Variants in CRTAM observed in about 807,000 individuals in gnomAD.
The protein encoded by CRTAM is cytotoxic and regulatory T-cell molecule.
Under a neutral mutation model 50.0 loss-of-function variants are expected in CRTAM, and 44 were observed. The ratio of observed to expected loss-of-function variants is 0.88; its 90% CI spans 0.69 to 1.13. The LOEUF is 1.13. Among genes scored for constraint, CRTAM ranks in the 50% most tolerant of loss-of-function variants. The pLI is 0.00. For synonymous variants in CRTAM, 159 were observed against 169.3 expected (o/e 0.94, Z 0.47); for missense variants, 448 against 457.5 (o/e 0.98, Z 0.19).
chr11:122,850,037 C>T (rs960081727), intron 1 of CRTAM, 31 bp from the exon 2 acceptor site: 1 of 1,562,746 alleles, frequency 6.4e-7, no homozygotes, highest in Admixed American at 1.8e-5. Context: ...GGACCCCCGG[C>T]CTGATCATCC....
chr11:122,858,539 GT>G (rs1862033470), intron 5 of CRTAM, among the ~76,000 whole-genome samples: 1 of 151,606 alleles, frequency 6.6e-6, no homozygotes, highest in African/African-American at 2.4e-5. Flanking sequence ...TCTTTTTGTT[GT>G]TCTTGTTGAG....
chr11:122,867,971 C>T (rs1322531288), intron 8 of CRTAM, 42 bp from the exon 9 acceptor site: 4 of 1,164,520 alleles, frequency 3.4e-6, no homozygotes, highest in Non-Finnish European at 5.2e-6. Context: ...TCTACATGTC[C>T]ATGGCATCAG....
chr11:122,846,079 A>C (rs2135231598), intron 1 of CRTAM, among the ~76,000 whole-genome samples: 1 of 152,276 alleles, frequency 6.6e-6, no homozygotes, highest in Non-Finnish European at 1.5e-5. Context: ...GCAACACAGA[A>C]GGGAATTCCT....
Position 122,852,432 on chromosome 11 carries a change from AT to A in CRTAM, c.346+588del, listed in dbSNP as rs564763679. 1.7e-4 allele frequency among the ~76,000 whole-genome samples: 26 copies of A among 152,318 alleles called. No homozygotes were observed. The South Asian group carries it at 5.4e-3, about 32-fold the overall frequency. Reference sequence around the variant, plus strand: ...CTACAGATGGTCAACTGTGTCCAGTATGTCTATCCTTACTTGTTTTGTTTTT... The same window carrying A: ...CTACAGATGGTCAACTGTGTCCAGTAGTCTATCCTTACTTGTTTTGTTTTT... On this transcript the variant is annotated intron_variant, in intron 3 of 9. Coordinates refer to ENST00000227348, the MANE Select transcript of CRTAM (RefSeq NM_019604.4).
chr11:122,842,585 T>C lies in CRTAM; in HGVS notation c.46+3993T>C, dbSNP rs570286349. Among the ~76,000 whole-genome samples the C allele has an allele frequency of 2.6e-5, 4 of 152,314 alleles. No individual in the cohort carries two copies. The East Asian group carries it at 5.8e-4, about 22-fold the overall frequency. ...TTGAGCCACCACGCCCGGCCTCAAA[T>C]TCATGGTTTTAAAATGTAATCCTAG... On this transcript the variant is annotated intron_variant, in intron 1 of 9. Coordinates refer to ENST00000227348, the MANE Select transcript of CRTAM (RefSeq NM_019604.4).
intron 4 of CRTAM, among the ~76,000 whole-genome samples, chr11:122,854,846 A>G (rs184327832): frequency 2.6e-4 from 40 of 152,294 alleles, no homozygotes; most frequent in Non-Finnish European, 5.4e-4. Flanking sequence ...CAAAGCACCT[A>G]AAGGTTGAGC....
At chr11:122,855,384 C>T (rs779558872) in intron 4 of CRTAM, among the ~76,000 whole-genome samples, 34 of 152,212 alleles carry the variant, frequency 2.2e-4, no homozygotes, top group South Asian at 6.2e-4. Context: ...TAAGACTTCC[C>T]TTTAATTCGC....
Sources: gnomAD v4.1 joint callset for allele counts (sites outside exome capture counted in the v4.1 genomes callset) on GRCh38, gnomAD v4.1.1 for gene constraint, MANE v1.5 for transcripts, NCBI Gene and HGNC (gene_info 2026-07-23, HGNC 2026-07-21) for gene names.